DNM3: variants seen among roughly 807,000 people sequenced by gnomAD.
DNM3 encodes dynamin 3.
Under a neutral mutation model 101.6 loss-of-function variants are expected in DNM3, and 47 were observed. The ratio of observed to expected loss-of-function variants is 0.46; its 90% CI spans 0.37 to 0.59. The LOEUF (loss-of-function observed/expected upper bound fraction) is 0.59. Ranked by LOEUF, DNM3 falls within the 20% of genes least tolerant of loss-of-function variation. The pLI is 0.00. For missense variants in DNM3, 849 were observed against 1,085.7 expected (o/e 0.78, Z 3.06); for synonymous variants, 385 against 387.9 (o/e 0.99, Z 0.09).
intron 2 of DNM3, among the ~76,000 whole-genome samples, chr1:171,957,199 CTTT>C (rs377678762): frequency 5.1e-5 from 7 of 138,346 alleles, no homozygotes; most frequent in Admixed American, 7.4e-5. Context: ...TTCTTTCTTT[CTTT>C]TTTTTTTTTT....
At chr1:172,085,330 A>G (rs1262563775) in intron 12 of DNM3, among the ~76,000 whole-genome samples, 1 of 152,022 alleles carries the variant, frequency 6.6e-6, no homozygotes, top group Admixed American at 6.6e-5. Context: ...AACTGGCCCA[A>G]TTGTTCCTTC....
chr1:172,189,990 C>T (rs1471446115), intron 14 of DNM3, among the ~76,000 whole-genome samples: 6 of 150,786 alleles, frequency 4.0e-5, no homozygotes, highest in Non-Finnish European at 1.5e-5. Flanking sequence ...GGCCCCACCT[C>T]CAACATTGGG....
intron 16 of DNM3, chr1:172,309,557 C>T (rs1285948706): frequency 6.6e-6 from 1 of 152,232 alleles, no homozygotes; most frequent in Non-Finnish European, 1.5e-5. Flanking sequence ...CCACTTGCTG[C>T]TTCCTCCTGT....
chr1:172,388,614 T>C lies in DNM3; in HGVS notation c.2327T>C (p.Leu776Pro). 3.1e-6 allele frequency: 5 copies of C among 1,613,976 alleles called. No homozygotes were observed. The highest frequency in any genetic ancestry group is 4.5e-5 in the East Asian group (2 of 44,880). The change falls in exon 20 of 21, where the codon CTA becomes CCA. Residue 776 changes from leucine (L) to proline (P), a missense_variant. Physicochemically the swap from Leu to Pro is moderately conservative, Grantham distance 98. Transcript: ENST00000627582. ...CCCACAACCCAAAGGAGGCCAACAC[T>C]AAGTGCTCCCCTCGCAAGGCCCACA... ...PSPTTQRRPT[L>P]SAPLARPTSG...
chr1:171,968,511 G>T (rs1428797330), intron 2 of DNM3, among the ~76,000 whole-genome samples: 3 of 152,168 alleles, frequency 2.0e-5, no homozygotes, highest in Admixed American at 1.3e-4. Flanking sequence ...TTAAAGCAGA[G>T]GGGACTTCAT....
At chr1:172,180,348 G>A (rs572612008) in intron 14 of DNM3, among the ~76,000 whole-genome samples, 19 of 152,044 alleles carry the variant, frequency 1.2e-4, no homozygotes, top group Non-Finnish European at 2.4e-4. Flanking sequence ...ATCGTAGATA[G>A]GGCTGAGATT....
intron 1 of DNM3, among the ~76,000 whole-genome samples, chr1:171,920,973 G>A (rs2040112019): frequency 6.6e-6 from 1 of 152,298 alleles, no homozygotes; most frequent in African/African-American, 2.4e-5. Context: ...TGCACAGGCT[G>A]GAGTGCAGTG....
At chr1:172,190,583 A>G (rs1425824119) in intron 14 of DNM3, among the ~76,000 whole-genome samples, 1 of 152,192 alleles carries the variant, frequency 6.6e-6, no homozygotes, top group African/African-American at 2.4e-5. Flanking sequence ...TCCTTGAGGA[A>G]TTGCCACACT....
chr1:172,254,434 ATG>A (rs2062318725), intron 15 of DNM3, among the ~76,000 whole-genome samples: 1 of 152,196 alleles, frequency 6.6e-6, no homozygotes, highest in Non-Finnish European at 1.5e-5. Context: ...GCAAATAAAA[ATG>A]TATAGTATTT....
intron 14 of DNM3, among the ~76,000 whole-genome samples, chr1:172,159,677 G>T (rs987639315): frequency 6.6e-6 from 1 of 152,028 alleles, no homozygotes; most frequent in Non-Finnish European, 1.5e-5. Context: ...TGAGTTTCTT[G>T]AGTGTCTTCA....
intron 10 of DNM3, among the ~76,000 whole-genome samples, chr1:172,055,293 T>A (rs1199916150): frequency 1.3e-5 from 2 of 152,130 alleles, no homozygotes; most frequent in African/African-American, 4.8e-5. Context: ...TGGGAAATGA[T>A]CTGCCCCAAG....
At chr1:171,911,026 C>A (rs1275973874) in intron 1 of DNM3, among the ~76,000 whole-genome samples, 2 of 152,068 alleles carry the variant, frequency 1.3e-5, no homozygotes, top group Non-Finnish European at 2.9e-5. Flanking sequence ...GTGTAGAATC[C>A]CTTGGGAGCC....
chr1:172,082,025 A>C, intron 12 of DNM3, 123 bp downstream of exon 12: 4 of 1,006,812 alleles, frequency 4.0e-6, no homozygotes, highest in Non-Finnish European at 6.0e-6. Flanking sequence ...ATTAACTCTC[A>C]GTGTGCCTAC....
At chr1:172,230,335 ATAAAT>A (rs1385739287) in intron 14 of DNM3, among the ~76,000 whole-genome samples, 2 of 152,198 alleles carry the variant, frequency 1.3e-5, no homozygotes, top group Non-Finnish European at 2.9e-5. Context: ...TCAGCATTTA[ATAAAT>A]TAAATTATTC....
intron 6 of DNM3, among the ~76,000 whole-genome samples, chr1:172,036,748 G>C (rs1442262001): frequency 1.3e-5 from 2 of 152,054 alleles, no homozygotes. Context: ...AGGACTTCAT[G>C]TCTAAAACAC....
In DNM3 at chr1:172,325,352, A is replaced by G. The variant is rs529183124; in HGVS notation, c.1893+2012A>G. Among the ~76,000 whole-genome samples the G allele has an allele frequency of 7.2e-5, 11 of 152,272 alleles. No homozygotes were observed. In the South Asian group the frequency reaches 2.3e-3, roughly 32 times the overall value. On this transcript the variant is annotated intron_variant, in intron 17 of 20. Coordinates refer to ENST00000627582, the MANE Select transcript of DNM3 (RefSeq NM_015569.5). ...GGCGAGTGTTAGTTGAAGAGTATCAAAGATGCAAGTACTTACTGTTTTGAT... is the reference window on the plus strand; with the variant it reads ...GGCGAGTGTTAGTTGAAGAGTATCAGAGATGCAAGTACTTACTGTTTTGAT...
chr1:171,984,273 C>T (rs774557420), intron 2 of DNM3, among the ~76,000 whole-genome samples: 1 of 152,150 alleles, frequency 6.6e-6, no homozygotes, highest in African/African-American at 2.4e-5. Flanking sequence ...CATGTTTCTA[C>T]TCTACCCCAA....
chr1:171,998,172 A>C (rs976215053), intron 4 of DNM3, among the ~76,000 whole-genome samples: 2 of 152,130 alleles, frequency 1.3e-5, no homozygotes, highest in African/African-American at 2.4e-5. Context: ...GTCTGTTATA[A>C]GCACTTTATT....
chr1:172,048,480 C>A, intron 9 of DNM3, 132 bp from the exon 10 acceptor site: 1 of 997,770 alleles, frequency 1.0e-6, no homozygotes. Flanking sequence ...ATTTTGGGCA[C>A]TATGTAACTT....
Sources: gnomAD v4.1 joint callset for allele counts (sites outside exome capture counted in the v4.1 genomes callset) on GRCh38, gnomAD v4.1.1 for gene constraint, MANE v1.5 for transcripts, NCBI Gene and HGNC (gene_info 2026-07-23, HGNC 2026-07-21) for gene names.